Variants in RPRD1A observed in about 807,000 individuals in gnomAD.
The protein encoded by RPRD1A is regulation of nuclear pre-mRNA domain containing 1A.
Under a neutral mutation model 37.8 loss-of-function variants are expected in RPRD1A, and 9 were observed. That is an observed-to-expected ratio of 0.24 (90% CI 0.14 to 0.42). The LOEUF (loss-of-function observed/expected upper bound fraction) is 0.42, where lower values mean the gene tolerates loss of function less well. Ranked by LOEUF, RPRD1A falls within the 10% of genes least tolerant of loss-of-function variation. RPRD1A has a pLI of 1.00. For missense variants in RPRD1A, 255 were observed against 371.0 expected (o/e 0.69, Z 2.57); for synonymous variants, 138 against 139.7 (o/e 0.99, Z 0.08).
chr18:36,042,269 C>G (rs1280814107), intron 1 of RPRD1A, among the ~76,000 whole-genome samples: 3 of 152,178 alleles, frequency 2.0e-5, no homozygotes, highest in Non-Finnish European at 2.9e-5. Flanking sequence ...TCCTATGGCA[C>G]ATCTACCCTA....
intron 6 of RPRD1A, chr18:36,025,790 T>C (rs1047866): frequency 4.0e-5 from 14 of 351,592 alleles, no homozygotes; most frequent in Non-Finnish European, 6.0e-5. Flanking sequence ...ATTAACACTA[T>C]GTTTAAAATT....
At chr18:36,053,767 G>A (rs947820998) in intron 1 of RPRD1A, among the ~76,000 whole-genome samples, 1 of 152,148 alleles carries the variant, frequency 6.6e-6, no homozygotes, top group Non-Finnish European at 1.5e-5. Flanking sequence ...TTAGACACAA[G>A]GAGATCCGCT....
intron 1 of RPRD1A, among the ~76,000 whole-genome samples, chr18:36,048,544 T>C (rs992065910): frequency 5.3e-5 from 8 of 151,668 alleles, no homozygotes; most frequent in African/African-American, 1.9e-4. Context: ...TCAAATCAAT[T>C]AATGCAGAAG....
rs201698525 is a variant in RPRD1A at position 36,003,946 on chromosome 18, G to A, written c.790-10646C>T. ...CTCAAGTAGCTGTGACTACAGATGCGCACCACCACACCACACTTGGAGAGG... is the reference window on the plus strand; with the variant it reads ...CTCAAGTAGCTGTGACTACAGATGCACACCACCACACCACACTTGGAGAGG... On this transcript the variant is annotated intron_variant, in intron 6 of 6. Transcript: ENST00000399022. 8.1e-5 allele frequency among the ~76,000 whole-genome samples: 12 copies of A among 148,116 alleles called. No homozygotes were observed. In the East Asian group the frequency reaches 2.2e-3, roughly 27 times the overall value.
intron 4 of RPRD1A, among the ~76,000 whole-genome samples, chr18:36,030,331 A>G (rs1249858051): frequency 6.6e-6 from 1 of 151,554 alleles, no homozygotes; most frequent in Non-Finnish European, 1.5e-5. Context: ...TTAAACACAA[A>G]AATTAGCTGG....
rs781564128 is a variant in RPRD1A at position 36,067,368 on chromosome 18, G to A, written c.37C>T (p.Leu13=). 9 of 1,607,950 alleles carry A rather than the reference G, an allele frequency of 5.6e-6. No individual in the cohort carries two copies. In the Admixed American group the frequency reaches 1.2e-4, roughly 21 times the overall value. Residue 13 remains leucine, a synonymous_variant, in exon 1 of 7, where the codon CTG becomes TTG. Coordinates refer to ENST00000399022, the MANE Select transcript of RPRD1A (RefSeq NM_018170.5). Reference sequence around the variant, plus strand: ...TGCTGCGAGTTGCTCAACTCCGACAGCTTCTTCTCCAGCGCCGCCTCAGAG... The same window carrying A: ...TGCTGCGAGTTGCTCAACTCCGACAACTTCTTCTCCAGCGCCGCCTCAGAG... ...AFSEAALEKK[L]SELSNSQQSV... is the part of the protein sequence containing the mutation.
intron 6 of RPRD1A, 101 bp from the exon 7 acceptor site, chr18:35,993,401 GC>G: frequency 8.8e-7 from 1 of 1,141,068 alleles, no homozygotes. Flanking sequence ...CTCAGTTAAT[GC>G]CATATTTAAA....
intron 6 of RPRD1A, chr18:36,024,877 T>G (rs1017087273): frequency 2.6e-5 from 4 of 152,240 alleles, no homozygotes; most frequent in Admixed American, 2.6e-4. Context: ...AGTGATAATT[T>G]ACAAAGAGTT....
chr18:36,000,870 C>T (rs1909373855), intron 6 of RPRD1A, among the ~76,000 whole-genome samples: 3 of 152,156 alleles, frequency 2.0e-5, no homozygotes, highest in Admixed American at 6.5e-5. Flanking sequence ...TGCTAACCTC[C>T]CTCTCATATC....
chr18:36,065,416 A>G (rs1396757261), intron 1 of RPRD1A, among the ~76,000 whole-genome samples: 1 of 152,190 alleles, frequency 6.6e-6, no homozygotes, highest in Admixed American at 6.5e-5. Flanking sequence ...TTTTATTAAT[A>G]TCACAATTTA....
chr18:36,032,879 G>C (rs1305126447), intron 2 of RPRD1A, among the ~76,000 whole-genome samples: 1 of 152,250 alleles, frequency 6.6e-6, no homozygotes, highest in East Asian at 1.9e-4. Flanking sequence ...AAGTAAAAAT[G>C]TCAAAAGGCA....
At chr18:36,051,157 CTTAA>C (rs1291889024) in intron 1 of RPRD1A, among the ~76,000 whole-genome samples, 2 of 152,084 alleles carry the variant, frequency 1.3e-5, no homozygotes, top group African/African-American at 4.8e-5. Flanking sequence ...TACAGTTTGC[CTTAA>C]TTAATGATTA....
rs553818831 is a variant in RPRD1A, at chr18:36,000,268, GC to G, written c.790-6969del. Among the ~76,000 whole-genome samples, 27 of 152,214 alleles carry G rather than the reference GC, an allele frequency of 1.8e-4. 1 individual carries two copies. In the South Asian group the frequency reaches 5.6e-3, roughly 32 times the overall value. On this transcript the variant is annotated intron_variant, in intron 6 of 6. Transcript: ENST00000399022. ...TTTTAAAAATATAAACTCCAATATA[GC>G]CAATCCTTTCTCATTTCTTTTCACA...
intron 2 of RPRD1A, among the ~76,000 whole-genome samples, chr18:36,031,622 G>C (rs1356624486): frequency 1.3e-5 from 2 of 152,230 alleles, no homozygotes; most frequent in African/African-American, 4.8e-5. Flanking sequence ...CTTAAGACTA[G>C]ACATATGGGG....
intron 6 of RPRD1A, among the ~76,000 whole-genome samples, chr18:36,011,121 T>A (rs1910152048): frequency 6.6e-6 from 1 of 152,180 alleles, no homozygotes; most frequent in Admixed American, 6.5e-5. Context: ...GGCTAAAACC[T>A]CTGAGGTATT....
intron 6 of RPRD1A, among the ~76,000 whole-genome samples, chr18:36,002,727 A>G (rs1011178552): frequency 6.6e-6 from 1 of 152,228 alleles, no homozygotes; most frequent in Non-Finnish European, 1.5e-5. Flanking sequence ...TGGTTCTGAC[A>G]CTTGCTTTCT....
At chr18:36,066,168 A>G (rs2089025952) in intron 1 of RPRD1A, among the ~76,000 whole-genome samples, 1 of 149,230 alleles carries the variant, frequency 6.7e-6, no homozygotes, top group South Asian at 2.2e-4. Flanking sequence ...CTGAAAAACA[A>G]GGCTGTAAAT....
chr18:36,040,861 C>T (rs1222314269), intron 1 of RPRD1A: 26 of 1,516,708 alleles, frequency 1.7e-5, no homozygotes, highest in Non-Finnish European at 2.3e-5. Context: ...TGTTGCACCT[C>T]CACTCTAAAA....
Position 35,993,117 on chromosome 18 carries a change from G to A in RPRD1A, c.*34C>T. The A allele has an allele frequency of 6.3e-7, 1 of 1,592,028 alleles. No individual in the cohort carries two copies. The highest frequency in any genetic ancestry group is 8.6e-7 in the Non-Finnish European group (1 of 1,167,994). On this transcript the variant is annotated 3_prime_UTR_variant, in exon 7 of 7. Coordinates refer to ENST00000399022, the MANE Select transcript of RPRD1A (RefSeq NM_018170.5). ...TCCACCTAACCTGTCTCCATCTCTTGCAAAGTCCTGGGACCTGGAAAGAGG... is the reference window on the plus strand; with the variant it reads ...TCCACCTAACCTGTCTCCATCTCTTACAAAGTCCTGGGACCTGGAAAGAGG...
Sources: allele counts gnomAD v4.1 joint callset (sites outside exome capture counted in the v4.1 genomes callset), GRCh38; gene constraint gnomAD v4.1.1; transcripts MANE v1.5; gene names NCBI Gene and HGNC (gene_info 2026-07-23, HGNC 2026-07-21).